ROBO2: variants seen among roughly 807,000 people sequenced by gnomAD.
The protein encoded by ROBO2 is roundabout homolog 2.
In ROBO2, 53 loss-of-function variants were observed where a neutral mutation model predicts 160.8. That is an observed-to-expected ratio of 0.33 (90% CI 0.26 to 0.41). The LOEUF (loss-of-function observed/expected upper bound fraction) is 0.41, where lower values mean the gene tolerates loss of function less well. ROBO2 is among the 10% of genes least tolerant of loss of function. The probability of loss-of-function intolerance (pLI) is 1.00; values close to 1 mark genes in which losing one functional copy is unlikely to be tolerated. For synonymous variants in ROBO2, 664 were observed against 611.7 expected (o/e 1.09, Z -1.26); for missense variants, 1,577 against 1,722.4 (o/e 0.92, Z 1.49).
At chr3:76,580,515 C>T (rs992447038) in intron 2 of ROBO2, among the ~76,000 whole-genome samples, 6 of 151,912 alleles carry the variant, frequency 3.9e-5, no homozygotes, top group Non-Finnish European at 7.4e-5. Flanking sequence ...TCTTACTCTA[C>T]TTTGTGAAGG....
chr3:77,506,526 A>G (rs577854451), intron 5 of ROBO2, among the ~76,000 whole-genome samples: 1 of 152,148 alleles, frequency 6.6e-6, no homozygotes, highest in South Asian at 2.1e-4. Flanking sequence ...TGCTTCCCCC[A>G]TTTCCTGATA....
chr3:77,356,061 ATACT>A (rs974159231), intron 2 of ROBO2, among the ~76,000 whole-genome samples: 1 of 152,146 alleles, frequency 6.6e-6, no homozygotes, highest in African/African-American at 2.4e-5. Flanking sequence ...TTCTATGGTA[ATACT>A]TATGTATGTG....
chr3:76,486,076 A>C (rs1042731931), intron 2 of ROBO2, among the ~76,000 whole-genome samples: 12 of 152,176 alleles, frequency 7.9e-5, no homozygotes, highest in African/African-American at 2.9e-4. Context: ...TAATTATAAG[A>C]TTGTAAAGTA....
intron 2 of ROBO2, among the ~76,000 whole-genome samples, chr3:77,131,911 C>T (rs977183075): frequency 5.9e-5 from 9 of 151,838 alleles, no homozygotes; most frequent in African/African-American, 4.8e-5. Context: ...TGTTTATATA[C>T]GTTTGTGAGT....
rs544962221 is a variant in ROBO2, at chr3:76,272,893, A to ATATATAATATATATTTATATATAAAT, written c.109+335291_109+335292insTATATAATATATATTTATATATAAAT. Among the ~76,000 whole-genome samples the ATATATAATATATATTTATATATAAAT allele has an allele frequency of 1.5e-3, 55 of 37,164 alleles. 3 individuals carry two copies. Among genetic ancestry groups the ATATATAATATATATTTATATATAAAT allele is most frequent in the African/African-American group, 5.5e-3 (55 of 9,948 alleles). 24.4% of individuals were successfully genotyped at this position (37,164 alleles called of 152,430 possible). A position where few individuals can be genotyped will look rare whatever the true frequency, so the allele number is the denominator to read the frequency against. On this transcript the variant is annotated intron_variant, in intron 2 of 26. Transcript: ENST00000487694. Reference sequence around the variant, plus strand: ...TATATAATATATATTTATATATAAAAATATAATATATATTTATATATAAAA... The same window carrying ATATATAATATATATTTATATATAAAT: ...TATATAATATATATTTATATATAAAATATATAATATATATTTATATATAAATATATAATATATATTTATATATAAAA...
intron 2 of ROBO2, among the ~76,000 whole-genome samples, chr3:76,031,475 G>T (rs1305816860): frequency 2.0e-5 from 3 of 152,036 alleles, no homozygotes; most frequent in Non-Finnish European, 4.4e-5. Flanking sequence ...TTTTTGCCCA[G>T]TCAGTAAGAT....
At chr3:76,575,778 A>G (rs1578258208) in intron 2 of ROBO2, among the ~76,000 whole-genome samples, 1 of 152,244 alleles carries the variant, frequency 6.6e-6, no homozygotes, top group East Asian at 1.9e-4. Flanking sequence ...CAAAATGTCA[A>G]TCATATAACC....
rs371523014 is a variant in ROBO2, at chr3:76,362,810, G to A, written c.109+425208G>A. Reference sequence around the variant, plus strand: ...TAGTATGTAGCCAGAGTGAGGAAGCGTCCTTCCAACCACCGCCAAACTTCC... The same window carrying A: ...TAGTATGTAGCCAGAGTGAGGAAGCATCCTTCCAACCACCGCCAAACTTCC... On this transcript the variant is annotated intron_variant, in intron 2 of 26. Coordinates refer to the ROBO2 transcript ENST00000487694. Among the ~76,000 whole-genome samples the A allele has an allele frequency of 3.3e-5, 5 of 152,086 alleles. No homozygotes were observed. The East Asian group carries it at 5.9e-4, about 18-fold the overall frequency.
intron 2 of ROBO2, among the ~76,000 whole-genome samples, chr3:76,286,162 G>A (rs1199064425): frequency 6.6e-6 from 1 of 152,190 alleles, no homozygotes. Context: ...CCCATTCAGA[G>A]TGTGCTGTAG....
chr3:75,937,993 G>A (rs986468198), intron 2 of ROBO2, among the ~76,000 whole-genome samples: 5 of 151,158 alleles, frequency 3.3e-5, no homozygotes, highest in Non-Finnish European at 7.4e-5. Context: ...TGATTTTGAA[G>A]AAAAGTTTTT....
intron 2 of ROBO2, among the ~76,000 whole-genome samples, chr3:75,989,632 G>A (rs2107503292): frequency 6.6e-6 from 1 of 152,210 alleles, no homozygotes; most frequent in African/African-American, 2.4e-5. Flanking sequence ...TAAGTATGAA[G>A]ATTACCAAAA....
chr3:77,152,414 A>T (rs566736684), intron 2 of ROBO2, among the ~76,000 whole-genome samples: 1 of 152,352 alleles, frequency 6.6e-6, no homozygotes, highest in Admixed American at 6.5e-5. Flanking sequence ...GAATCTTTGA[A>T]ACCCAGTGCA....
At chr3:77,106,850 T>C (rs916518286) in intron 2 of ROBO2, among the ~76,000 whole-genome samples, 1 of 152,078 alleles carries the variant, frequency 6.6e-6, no homozygotes, top group Admixed American at 6.5e-5. Flanking sequence ...TTTTTGTCAC[T>C]GTCTCCCAAA....
chr3:77,202,731 CTCTT>C (rs1258745875), intron 2 of ROBO2, among the ~76,000 whole-genome samples: 10 of 152,198 alleles, frequency 6.6e-5, no homozygotes, highest in African/African-American at 2.4e-4. Context: ...CATTCTTCTT[CTCTT>C]TCTTTCTTCT....
chr3:76,471,445 C>T (rs1451811468), intron 2 of ROBO2, among the ~76,000 whole-genome samples: 1 of 152,092 alleles, frequency 6.6e-6, no homozygotes, highest in African/African-American at 2.4e-5. Context: ...TGATAACTAT[C>T]TATAACACAC....
chr3:77,445,416 A>G (rs2080371184), intron 2 of ROBO2, among the ~76,000 whole-genome samples: 1 of 152,070 alleles, frequency 6.6e-6, no homozygotes, highest in South Asian at 2.1e-4. Context: ...CACTCCTCAT[A>G]AAATACTTCC....
intron 2 of ROBO2, among the ~76,000 whole-genome samples, chr3:76,376,750 G>T (rs2076366215): frequency 6.6e-6 from 1 of 152,088 alleles, no homozygotes; most frequent in Non-Finnish European, 1.5e-5. Flanking sequence ...ACAAGGGAAA[G>T]GATTAAGAAA....
chr3:77,622,452 A>G lies in ROBO2; in HGVS notation c.3760+20A>G. On this transcript the variant is annotated intron_variant, in intron 23 of 25. Transcript: ENST00000461745. ...TGACAGGTAACGGAACCAATTTAAT[A>G]GGAAAAACTGACCTATTGGTAACAT... 3.1e-6 allele frequency: 5 copies of G among 1,609,416 alleles called. No homozygotes were observed. Among genetic ancestry groups the G allele is most frequent in the African/African-American group, 1.3e-5 (1 of 74,954 alleles).
chr3:77,454,983 C>G (rs1448871100), intron 2 of ROBO2, among the ~76,000 whole-genome samples: 2 of 152,066 alleles, frequency 1.3e-5, no homozygotes, highest in Non-Finnish European at 2.9e-5. Context: ...GTGGCTTAAA[C>G]TAGGAGATGG....
Sources: allele counts gnomAD v4.1 joint callset (sites outside exome capture counted in the v4.1 genomes callset), GRCh38; gene constraint gnomAD v4.1.1; transcripts MANE v1.5; gene names NCBI Gene and HGNC (gene_info 2026-07-23, HGNC 2026-07-21).